Variants in CLCF1 observed in about 807,000 individuals in gnomAD.
CLCF1 encodes the protein cardiotrophin-like cytokine factor 1.
Under a neutral mutation model 21.2 loss-of-function variants are expected in CLCF1, and 10 were observed. The observed-to-expected ratio is 0.47, with a 90% CI of 0.29 to 0.80. The LOEUF is 0.80. Among genes scored for constraint, CLCF1 ranks in the 30% least tolerant of loss-of-function variants. The pLI is 0.09. For missense variants in CLCF1, 240 were observed against 293.4 expected (o/e 0.82, Z 1.33); for synonymous variants, 115 against 120.5 (o/e 0.95, Z 0.30).
chr11:67,365,244 C>T lies in CLCF1; in HGVS notation c.570G>A (p.Glu190=). ...QKMDDFWLLK[E]LQTWLWRSAK... is the part of the protein sequence containing the mutation. ...CCGAGCGCCACAGCCAGGTCTGCAG[C>T]TCCTTCAGCAGCCAGAAGTCGTCCA... The change falls in exon 3 of 3, where the codon GAG becomes GAA. Residue 190 remains glutamate, a synonymous_variant. Transcript: ENST00000312438. This position sits in a 1 kb window ranked among gnomAD's most constrained non-coding sequence, Gnocchi z 5.0. 6.2e-7 allele frequency: 1 copy of T among 1,614,032 alleles called. No homozygotes were observed. Among genetic ancestry groups the T allele is most frequent in the Non-Finnish European group, 8.5e-7 (1 of 1,180,038 alleles).
At chr11:67,371,138 T>G in intron 1 of CLCF1, 1 of 931,494 alleles carries the variant, frequency 1.1e-6, no homozygotes, top group Non-Finnish European at 1.3e-6. Flanking sequence ...GGGCGTGTCC[T>G]GACCTACCTT....
At position 67,372,475 on chromosome 11, in the gene CLCF1, G is replaced by A. The variant is rs1862258274; in HGVS notation, c.16+1049C>T. ...GAGGGGCTCGGCCGGGAAGCTGCAC[G>A]GCGGCGGTTGCCAGCTGGCCCTCCC... On this transcript the variant is annotated intron_variant, in intron 1 of 2. Transcript: ENST00000312438. This position sits in a 1 kb window ranked among gnomAD's most constrained non-coding sequence, Gnocchi z 5.9. Among the ~76,000 whole-genome samples the A allele has an allele frequency of 6.6e-6, 1 of 151,984 alleles. No homozygotes were observed. The highest frequency in any genetic ancestry group is 1.5e-5 in the Non-Finnish European group (1 of 67,944).
At chr11:67,368,427 G>A in intron 1 of CLCF1, 1 of 985,320 alleles carries the variant, frequency 1.0e-6, no homozygotes, top group Non-Finnish European at 1.2e-6. Flanking sequence ...TTGACGAGTC[G>A]GGCTTGTTGG....
Position 67,370,508 on chromosome 11 carries a change from G to C in CLCF1, c.17-2882C>G, listed in dbSNP as rs1019748499. ...ATAAATCCGGCTGAGCACGTGAGGA[G>C]CTAACGAGTACAGCTCACGTTTCCT... On this transcript the variant is annotated intron_variant, in intron 1 of 2. Coordinates refer to ENST00000312438, the MANE Select transcript of CLCF1 (RefSeq NM_013246.3). The C allele has an allele frequency of 4.1e-6, 4 of 984,888 alleles. No individual in the cohort carries two copies. The African/African-American group carries it at 7.0e-5, about 17-fold the overall frequency. 61.0% of individuals were successfully genotyped at this position (984,888 alleles called of 1,614,324 possible).
At chr11:67,370,109 G>C in intron 1 of CLCF1, 1 of 985,334 alleles carries the variant, frequency 1.0e-6, no homozygotes, top group Non-Finnish European at 1.2e-6. Context: ...GAGGTTAGGA[G>C]AAAAGAAAGG....
upstream of CLCF1, chr11:67,373,717 T>A (rs1862287296): frequency 1.6e-6 from 2 of 1,212,612 alleles, no homozygotes; most frequent in Non-Finnish European, 2.1e-6. Flanking sequence ...TGCAAACTTT[T>A]TTTTTTTTTT....
chr11:67,368,394 G>C (rs1862161634), intron 1 of CLCF1: 1 of 985,256 alleles, frequency 1.0e-6, no homozygotes, highest in Admixed American at 6.2e-5. Context: ...CAAGGGTGGG[G>C]ACAGGAAGGG....
intron 2 of CLCF1, among the ~76,000 whole-genome samples, chr11:67,366,114 G>A (rs1018664620): frequency 6.6e-6 from 1 of 152,220 alleles, no homozygotes; most frequent in Non-Finnish European, 1.5e-5. Context: ...ACACTGTCGG[G>A]CTTGGCAAGG....
At chr11:67,367,244 G>A (rs575309212) in intron 2 of CLCF1, among the ~76,000 whole-genome samples, 1 of 152,288 alleles carries the variant, frequency 6.6e-6, no homozygotes, top group Non-Finnish European at 1.5e-5. Flanking sequence ...AGGCGGGTGC[G>A]AGGCCTGCCC....
At chr11:67,366,752 C>T (rs1862108495) in intron 2 of CLCF1, among the ~76,000 whole-genome samples, 2 of 152,144 alleles carry the variant, frequency 1.3e-5, no homozygotes, top group African/African-American at 2.4e-5. Context: ...CCCCCGCCAC[C>T]CTCCTCCCTT....
chr11:67,368,668 T>C (rs1590915360), intron 1 of CLCF1: 2 of 985,392 alleles, frequency 2.0e-6, no homozygotes, highest in South Asian at 4.7e-5. Context: ...TGGGTTACTT[T>C]AAAAGTTTCA....
At position 67,365,131 on chromosome 11, in the gene CLCF1, A is replaced by G. The variant is rs1862068020; in HGVS notation, c.*5T>C. On this transcript the variant is annotated 3_prime_UTR_variant, in exon 3 of 3. Coordinates refer to ENST00000312438, the MANE Select transcript of CLCF1 (RefSeq NM_013246.3). This position sits in a 1 kb window ranked among gnomAD's most constrained non-coding sequence, Gnocchi z 5.0. ...AAGGGGGAGCGAAGAGGAGAAGGTC[A>G]GAAGTCAGAAGCCATGAGCCCCCAG... 1.2e-6 allele frequency: 2 copies of G among 1,613,624 alleles called. No homozygotes were observed. The highest frequency in any genetic ancestry group is 3.3e-5 in the Admixed American group (2 of 60,014).
At chr11:67,371,496 C>CT (rs924938536) in intron 1 of CLCF1, among the ~76,000 whole-genome samples, 1 of 152,208 alleles carries the variant, frequency 6.6e-6, no homozygotes, top group African/African-American at 2.4e-5. Context: ...GGGGAAGAAG[C>CT]TGAGGGTGGG....
chr11:67,373,480 G>T, intron 1 of CLCF1, 44 bp downstream of exon 1: 1 of 1,076,454 alleles, frequency 9.3e-7, no homozygotes, highest in Non-Finnish European at 1.3e-6. Context: ...TCTCGTGGCT[G>T]CTTGGCGGGG....
chr11:67,368,130 G>A (rs566341713), intron 1 of CLCF1: 2 of 985,410 alleles, frequency 2.0e-6, no homozygotes, highest in East Asian at 2.3e-4. Context: ...CAGGAGAGAG[G>A]CGGCCGCCAA....
At chr11:67,370,292 G>A in intron 1 of CLCF1, 3 of 985,222 alleles carry the variant, frequency 3.0e-6, no homozygotes, top group Non-Finnish European at 3.6e-6. Context: ...AGTGCGTGGT[G>A]GGCTTCCTGG....
chr11:67,371,025 G>A, intron 1 of CLCF1: 1 of 985,344 alleles, frequency 1.0e-6, no homozygotes, highest in East Asian at 1.1e-4. Flanking sequence ...CTGTTGAGGG[G>A]AATTGAGGGA....
chr11:67,373,001 T>C (rs1374698323), intron 1 of CLCF1, among the ~76,000 whole-genome samples: 1 of 148,558 alleles, frequency 6.7e-6, no homozygotes, highest in African/African-American at 2.5e-5. Context: ...CCCTCCGCCC[T>C]CCTCTCCGCC....
intron 2 of CLCF1, among the ~76,000 whole-genome samples, chr11:67,366,223 G>T (rs1000684726): frequency 6.6e-6 from 1 of 152,120 alleles, no homozygotes; most frequent in Non-Finnish European, 1.5e-5. Context: ...GGAGGCAGAG[G>T]GTGTAGACCA....
Sources: gnomAD v4.1 joint callset for allele counts (sites outside exome capture counted in the v4.1 genomes callset) on GRCh38, gnomAD v4.1.1 for gene constraint, Gnocchi (gnomAD v3.1) non-coding constraint, MANE v1.5 for transcripts, NCBI Gene and HGNC (gene_info 2026-07-23, HGNC 2026-07-21) for gene names.